IL17REL: variants seen among roughly 807,000 people sequenced by gnomAD.
IL17REL encodes interleukin-17 receptor E-like protein.
Under a neutral mutation model 49.0 loss-of-function variants are expected in IL17REL, and 36 were observed. That is an observed-to-expected ratio of 0.73 (90% CI 0.56 to 0.97). IL17REL has a LOEUF of 0.97. Among genes scored for constraint, IL17REL ranks in the 50% least tolerant of loss-of-function variants. The pLI, the probability that IL17REL is intolerant of heterozygous loss-of-function variation, is 0.00. For missense variants in IL17REL, 470 were observed against 453.9 expected (o/e 1.04, Z -0.32); for synonymous variants, 206 against 192.4 (o/e 1.07, Z -0.58).
exon 8 of IL17REL, chr22:49,998,250 G>A (rs766667607): frequency 2.4e-5 from 39 of 1,612,550 alleles, no homozygotes; most frequent in East Asian, 4.5e-5. Context: ...TCCCAGCTCA[G>A]TGTCTGGCTC....
At chr22:49,998,138 C>T (rs748844182) in exon 8 of IL17REL, 36 of 1,603,966 alleles carry the variant, frequency 2.2e-5, no homozygotes, top group Non-Finnish European at 2.9e-5. Context: ...GGCACTCACT[C>T]TGCGATGCAC....
At position 49,998,318 on chromosome 22, in the gene IL17REL, A is replaced by T; in HGVS notation, c.602-9T>A. 1 of 1,588,006 alleles carries T rather than the reference A, an allele frequency of 6.3e-7. No individual in the cohort carries two copies. Among genetic ancestry groups the T allele is most frequent in the Non-Finnish European group, 8.6e-7 (1 of 1,167,638 alleles). Reference sequence around the variant, plus strand: ...CTCCAGTGCCTCAGTGTCTGCAGGAACCCTCCCCGAAACACAGGTCAGTTG... The same window carrying T: ...CTCCAGTGCCTCAGTGTCTGCAGGATCCCTCCCCGAAACACAGGTCAGTTG... On this transcript the variant is annotated splice_polypyrimidine_tract_variant and intron_variant, in intron 7 of 12. Coordinates refer to ENST00000341280, the Ensembl canonical transcript of IL17REL.
chr22:50,001,207 C>T (rs775822955), exon 2 of IL17REL: 88 of 1,522,646 alleles, frequency 5.8e-5, no homozygotes, highest in Non-Finnish European at 2.0e-5. Flanking sequence ...GGGGCGTGGC[C>T]GGCAGAAGCT....
chr22:49,997,150 C>T, intron 11 of IL17REL, 76 bp from the exon 14 acceptor site: 1 of 1,446,680 alleles, frequency 6.9e-7, no homozygotes, highest in Non-Finnish European at 9.5e-7. Context: ...CTCCCACATC[C>T]TCTCAGCACC....
intron 9 of IL17REL, 27 bp downstream of exon 11, chr22:49,997,998 C>G: frequency 6.3e-7 from 1 of 1,594,544 alleles, no homozygotes; most frequent in South Asian, 1.1e-5. Context: ...CCAAATAGGG[C>G]ACTGGCAGGC....
chr22:50,010,792 C>T (rs2061135752), upstream of IL17REL, among the ~76,000 whole-genome samples: 1 of 115,488 alleles, frequency 8.7e-6, no homozygotes, highest in African/African-American at 3.9e-5. Context: ...CCCGGGCGCG[C>T]TGGGGGGAAG....
At chr22:49,999,139 G>C in intron 7 of IL17REL, 152 bp downstream of exon 9, 1 of 923,892 alleles carries the variant, frequency 1.1e-6, no homozygotes, top group Non-Finnish European at 1.8e-6. Flanking sequence ...TCTGTGCGCA[G>C]GTTCCCTTGG....
At chr22:49,995,214 C>G (rs2061027867) in exon 13 of IL17REL, 1 of 152,538 alleles carries the variant, frequency 6.6e-6, no homozygotes, top group Non-Finnish European at 1.5e-5. Flanking sequence ...ACTGGGGAAG[C>G]TCCAGGCAGC....
At chr22:49,998,699 G>T (rs1569208621) in intron 7 of IL17REL, among the ~76,000 whole-genome samples, 2 of 150,832 alleles carry the variant, frequency 1.3e-5, no homozygotes, top group Non-Finnish European at 3.0e-5. Flanking sequence ...CTGTGCATGG[G>T]TGTGTGTGCA....
chr22:49,998,661 G>A (rs1191733796), intron 7 of IL17REL, among the ~76,000 whole-genome samples: 2 of 149,460 alleles, frequency 1.3e-5, no homozygotes, highest in East Asian at 2.0e-4. Context: ...TGGGTGTCAT[G>A]GGTATGGGTG....
In IL17REL at chr22:50,005,523, C is replaced by T. The variant is rs186088069; in HGVS notation, c.-42+3114G>A. On this transcript the variant is annotated intron_variant, in intron 1 of 12. Transcript: ENST00000341280. ...TCTGTGTGTTTAAAAATACCTGGGCCGGGCGCGGTGGCTCACGCCTGTAAT... is the reference window on the plus strand; with the variant it reads ...TCTGTGTGTTTAAAAATACCTGGGCTGGGCGCGGTGGCTCACGCCTGTAAT... Among the ~76,000 whole-genome samples, 188 of 152,242 alleles carry T rather than the reference C, an allele frequency of 1.2e-3. 1 individual carries two copies. The highest frequency in any genetic ancestry group is 4.2e-3 in the African/African-American group (176 of 41,564).
intron 2 of IL17REL, 41 bp from the exon 4 acceptor site, chr22:50,000,904 G>A (rs2061075441): frequency 6.9e-7 from 1 of 1,441,492 alleles, no homozygotes; most frequent in Non-Finnish European, 9.3e-7. Flanking sequence ...TCAGAGCAGG[G>A]CCGCCCCTGG....
Position 49,997,081 on chromosome 22 carries a change from G to A in IL17REL, c.975-7C>T, listed in dbSNP as rs375628702. 7 of 1,570,900 alleles carry A rather than the reference G, an allele frequency of 4.5e-6. No homozygotes were observed. In the African/African-American group the frequency reaches 6.8e-5, roughly 15 times the overall value. The stretch of plus-strand genomic sequence containing the variant: ...GGGCGGCTGCCAGGTCACCCTGGGT[G>A]GGGGAGGGCAGGTCACAGGCAATGG... On this transcript the variant is annotated splice_polypyrimidine_tract_variant and splice_region_variant and intron_variant, in intron 11 of 12. Transcript: ENST00000341280.
chr22:49,991,902 C>A (rs535257973), downstream of IL17REL, among the ~76,000 whole-genome samples: 1 of 151,970 alleles, frequency 6.6e-6, no homozygotes, highest in African/African-American at 2.4e-5. Context: ...TGAGGTGGTC[C>A]GGGCACAGCT....
chr22:49,993,473 T>C (rs1265868343), downstream of IL17REL, among the ~76,000 whole-genome samples: 1 of 152,136 alleles, frequency 6.6e-6, no homozygotes, highest in Non-Finnish European at 1.5e-5. This position sits in a 1 kb window ranked among gnomAD's most constrained non-coding sequence, Gnocchi z 6.0. Flanking sequence ...GTGGGTGCAC[T>C]GGGCTGTGGG....
intron 11 of IL17REL, 122 bp downstream of exon 13, chr22:49,997,198 G>T: frequency 7.2e-7 from 1 of 1,388,994 alleles, no homozygotes; most frequent in Non-Finnish European, 1.0e-6. Flanking sequence ...TCCCTGCCAG[G>T]TAGACTAGAC....
At chr22:50,012,300 G>A (rs2061145733), upstream of IL17REL, among the ~76,000 whole-genome samples, 1 of 152,222 alleles carries the variant, frequency 6.6e-6, no homozygotes, top group Non-Finnish European at 1.5e-5. Flanking sequence ...CCTCCTTGGA[G>A]GTCACAGGTG....
At chr22:50,011,558 C>T (rs577157247), upstream of IL17REL, among the ~76,000 whole-genome samples, 24 of 152,102 alleles carry the variant, frequency 1.6e-4, no homozygotes, top group Non-Finnish European at 3.1e-4. Flanking sequence ...CTCCTTCCCC[C>T]TCCTAGCCAG....
intron 1 of IL17REL, among the ~76,000 whole-genome samples, chr22:50,008,430 G>T (rs536822777): frequency 6.6e-6 from 1 of 152,294 alleles, no homozygotes; most frequent in African/African-American, 2.4e-5. Flanking sequence ...CCCACCTCTG[G>T]CCAGGAGCCA....
Sources: gnomAD v4.1 joint callset for allele counts (sites outside exome capture counted in the v4.1 genomes callset) on GRCh38, gnomAD v4.1.1 for gene constraint, Gnocchi (gnomAD v3.1) non-coding constraint, MANE v1.5 for transcripts, NCBI Gene and HGNC (gene_info 2026-07-23, HGNC 2026-07-21) for gene names.